Variants in BLTP3B observed in about 807,000 individuals in gnomAD.
The protein encoded by BLTP3B is bridge-like lipid transfer protein family member 3B.
chr12:100,078,596 T>C, the BLTP3B span, among the ~76,000 whole-genome samples: 8 of 152,210 alleles, frequency 5.3e-5, no homozygotes, highest in African/African-American at 1.4e-4. Context: ...CACCTAGAGA[T>C]TGAGTAAAAC....
At chr12:100,041,759 T>C in the BLTP3B span, among the ~76,000 whole-genome samples, 1 of 152,128 alleles carries the variant, frequency 6.6e-6, no homozygotes, top group Admixed American at 6.5e-5. Context: ...CTATTCAACA[T>C]TGTTTTAGAG....
the BLTP3B span, among the ~76,000 whole-genome samples, chr12:100,139,038 C>T: frequency 2.0e-5 from 3 of 152,258 alleles, no homozygotes; most frequent in Admixed American, 6.5e-5. Flanking sequence ...TTTGAAAAAT[C>T]GGGGCAGTTT....
At chr12:100,096,084 C>T in the BLTP3B span, among the ~76,000 whole-genome samples, 1 of 151,962 alleles carries the variant, frequency 6.6e-6, no homozygotes, top group African/African-American at 2.4e-5. Flanking sequence ...GAAACCCTGT[C>T]GCTACTAAAA....
chr12:100,091,912 G>T, the BLTP3B span, among the ~76,000 whole-genome samples: 4 of 150,428 alleles, frequency 2.7e-5, no homozygotes, highest in African/African-American at 9.8e-5. Flanking sequence ...AGGTTTGAGA[G>T]ACTACCCTGC....
the BLTP3B span, among the ~76,000 whole-genome samples, chr12:100,049,084 G>A: frequency 8.6e-5 from 13 of 151,632 alleles, no homozygotes; most frequent in Non-Finnish European, 1.8e-4. Context: ...AAAATGAGGA[G>A]ACATGGAAAA....
At chr12:100,084,378 TCACACACACACACACACA>T in the BLTP3B span, 39,502 of 664,460 alleles carry the variant, frequency 0.059, 959 homozygotes, top group African/African-American at 0.069. Flanking sequence ...AATACTATGA[TCACACACACACACACACA>T]CACACACACA....
At chr12:100,105,299 T>G in the BLTP3B span, among the ~76,000 whole-genome samples, 1 of 152,234 alleles carries the variant, frequency 6.6e-6, no homozygotes, top group African/African-American at 2.4e-5. Context: ...CATGGACCAA[T>G]GGAACAGAAT....
the BLTP3B span, among the ~76,000 whole-genome samples, chr12:100,055,235 A>G: frequency 6.6e-6 from 1 of 152,206 alleles, no homozygotes; most frequent in Non-Finnish European, 1.5e-5. Flanking sequence ...TACTAGCTGC[A>G]TAACTTTGGG....
chr12:100,063,705 CAAAAAAAA>C, the BLTP3B span, among the ~76,000 whole-genome samples: 4 of 89,020 alleles, frequency 4.5e-5, no homozygotes, highest in African/African-American at 1.5e-4. Flanking sequence ...AACTCCGTCT[CAAAAAAAA>C]AAAAAAAAGG....
chr12:100,047,726 T>G, the BLTP3B span: 1 of 1,137,716 alleles, frequency 8.8e-7, no homozygotes, highest in Non-Finnish European at 1.3e-6. Context: ...CTTTATATGT[T>G]TCAGCTGATA....
chr12:100,134,555 T>G, the BLTP3B span, among the ~76,000 whole-genome samples: 1 of 151,980 alleles, frequency 6.6e-6, no homozygotes, highest in Non-Finnish European at 1.5e-5. Flanking sequence ...AGGCAGGGGT[T>G]GCAGTGAGCT....
the BLTP3B span, among the ~76,000 whole-genome samples, chr12:100,127,469 G>C: frequency 1.2e-4 from 19 of 152,304 alleles, no homozygotes; most frequent in East Asian, 3.5e-3. Context: ...AATTCTACTT[G>C]TGGCATTTAA....
the BLTP3B span, among the ~76,000 whole-genome samples, chr12:100,045,222 CTT>C: frequency 2.0e-5 from 3 of 152,342 alleles, no homozygotes; most frequent in East Asian, 3.9e-4. Flanking sequence ...CTACCACTGA[CTT>C]TCTTCACAGA....
At chr12:100,074,825 C>G in the BLTP3B span, among the ~76,000 whole-genome samples, 82 of 152,108 alleles carry the variant, frequency 5.4e-4, no homozygotes, top group Non-Finnish European at 1.0e-3. Context: ...GGTACTGATA[C>G]AAAAACAGAG....
the BLTP3B span, chr12:100,057,857 T>C: frequency 3.9e-6 from 5 of 1,297,032 alleles, no homozygotes; most frequent in South Asian, 2.9e-5. Flanking sequence ...TGAAATTATA[T>C]TTAAACGTAT....
the BLTP3B span, chr12:100,086,372 A>AGGGG: frequency 8.9e-5 from 39 of 439,852 alleles, no homozygotes; most frequent in African/African-American, 9.2e-4. Context: ...GGAAAAAAAA[A>AGGGG]GGGGGGGGGG....
At chr12:100,056,358 C>G in the BLTP3B span, among the ~76,000 whole-genome samples, 2 of 152,138 alleles carry the variant, frequency 1.3e-5, no homozygotes, top group Non-Finnish European at 2.9e-5. Context: ...ATTACCCAGT[C>G]TGTGGTATTC....
chr12:100,140,257 A>T, the BLTP3B span, among the ~76,000 whole-genome samples: 3 of 152,150 alleles, frequency 2.0e-5, no homozygotes, highest in Non-Finnish European at 4.4e-5. Context: ...AACCAAAAAT[A>T]AAAATTTGAT....
chr12:100,058,334 A>G, the BLTP3B span: 1 of 1,613,788 alleles, frequency 6.2e-7, no homozygotes, highest in Non-Finnish European at 8.5e-7. Context: ...AAACAAGTCC[A>G]CTACTTTCAT....
Sources: gnomAD v4.1 joint callset for allele counts (sites outside exome capture counted in the v4.1 genomes callset) on GRCh38, gnomAD v4.1.1 for gene constraint, MANE v1.5 for transcripts, NCBI Gene and HGNC (gene_info 2026-07-23, HGNC 2026-07-21) for gene names.